DMD: variants seen among roughly 807,000 people sequenced by gnomAD.
DMD encodes mutant dystrophin.
DMD carries 63 observed loss-of-function variants against 330.1 expected under a neutral mutation model. That is an observed-to-expected ratio of 0.19 (90% CI 0.16 to 0.24). DMD has a LOEUF of 0.24. DMD is among the 10% of genes least tolerant of loss of function. The probability of loss-of-function intolerance (pLI) is 1.00; values close to 1 mark genes in which losing one functional copy is unlikely to be tolerated. For synonymous variants in DMD, 1,223 were observed against 959.8 expected, an observed-to-expected ratio of 1.27 and a Z score of -5.07; for missense variants, 3,344 against 2,684.1, an observed-to-expected ratio of 1.25 and a Z score of -5.43.
chrX:32,301,620 G>T (rs780712988), intron 42 of DMD, among the ~76,000 whole-genome samples: 10 of 110,444 alleles, frequency 9.1e-5, no homozygotes, highest in Non-Finnish European at 1.9e-4. Context: ...TTAACCAGGA[G>T]AAAATAAATA....
At chrX:32,120,986 T>C (rs1314252264) in intron 44 of DMD, among the ~76,000 whole-genome samples, 2 of 112,113 alleles carry the variant, frequency 1.8e-5, no homozygotes, top group Non-Finnish European at 3.8e-5. Flanking sequence ...GCATTATTAG[T>C]ATTGGAGTTT....
chrX:32,733,650 C>A (rs1432063101), intron 7 of DMD, among the ~76,000 whole-genome samples: 1 of 111,552 alleles, frequency 9.0e-6, no homozygotes, highest in Non-Finnish European at 1.9e-5. Context: ...GAACAACCTC[C>A]TCCTGAATGA....
chrX:31,464,773 A>G (rs2066741650), intron 59 of DMD, among the ~76,000 whole-genome samples: 1 of 112,813 alleles, frequency 8.9e-6, no homozygotes, highest in African/African-American at 3.2e-5. Flanking sequence ...GCAGAACTTA[A>G]TAAGAGACTT....
chrX:32,016,490 C>T (rs899884367), intron 44 of DMD, among the ~76,000 whole-genome samples: 24 of 112,158 alleles, frequency 2.1e-4, no homozygotes, highest in African/African-American at 7.8e-4. Context: ...GCACATAGGA[C>T]AGAGGCGGTA....
chrX:31,703,336 G>A (rs1315577357), intron 52 of DMD, among the ~76,000 whole-genome samples: 3 of 112,325 alleles, frequency 2.7e-5, no homozygotes, highest in African/African-American at 9.7e-5. Context: ...GGAGCCCTAG[G>A]TATGTACAAT....
At chrX:31,875,127 T>C (rs2093948030) in intron 48 of DMD, 61 bp downstream of exon 48, 1 of 960,460 alleles carries the variant, frequency 1.0e-6, no homozygotes. Flanking sequence ...ATGAGAAAAT[T>C]CAGTGATATT....
chrX:32,495,748 G>A (rs1012296862), intron 19 of DMD, among the ~76,000 whole-genome samples: 2 of 110,152 alleles, frequency 1.8e-5, no homozygotes, highest in Non-Finnish European at 3.8e-5. Context: ...ATAGAATTAT[G>A]CTCCTTGACT....
At chrX:31,940,102 C>G (rs2094974786) in intron 45 of DMD, among the ~76,000 whole-genome samples, 1 of 110,727 alleles carries the variant, frequency 9.0e-6, no homozygotes, top group Non-Finnish European at 1.9e-5. Flanking sequence ...AGACAGTAAA[C>G]AAGATAAAGA....
At chrX:32,543,303 C>T (rs2048661070) in intron 17 of DMD, among the ~76,000 whole-genome samples, 2 of 110,575 alleles carry the variant, frequency 1.8e-5, no homozygotes, top group South Asian at 3.8e-4. Context: ...CCACTCTTTC[C>T]TGAAAACAAA....
chrX:32,296,770 C>G (rs1469035725), intron 42 of DMD, among the ~76,000 whole-genome samples: 1 of 111,792 alleles, frequency 8.9e-6, no homozygotes, highest in Non-Finnish European at 1.9e-5. Flanking sequence ...TGTATAAAAG[C>G]ATAAGTTAAA....
Position 32,688,481 on chromosome X carries a change from C to T in DMD, c.960+9389G>A, listed in dbSNP as rs1284267644. Among the ~76,000 whole-genome samples, 7 of 111,832 alleles carry T rather than the reference C, an allele frequency of 6.3e-5. No individual in the cohort carries two copies. The East Asian group carries it at 1.1e-3, about 18-fold the overall frequency. On this transcript the variant is annotated intron_variant, in intron 9 of 78. Coordinates refer to ENST00000357033, the MANE Select transcript of DMD (RefSeq NM_004006.3). ...TGCAAAATGGAAGAGTGTTGATCCA[C>T]GTTGTTGTAAATATTTCTTTACCCT...
rs1389670701 is a variant in DMD, at chrX:33,009,957, T to C, written c.93+10182A>G. ...GTGTGTATATACACGTGTGTATGTG[T>C]ATATACACATATGTGTGTATACACA... On this transcript the variant is annotated intron_variant, in intron 2 of 78. Coordinates refer to ENST00000357033, the MANE Select transcript of DMD (RefSeq NM_004006.3). 1.0e-4 allele frequency among the ~76,000 whole-genome samples: 8 copies of C among 77,356 alleles called. 2 individuals are homozygous for C. Among genetic ancestry groups the C allele is most frequent in the Admixed American group, 4.0e-4 (3 of 7,549 alleles). The allele number at this position is 77,356 out of a possible 115,157, so 67.2% of individuals were successfully genotyped here.
In DMD at chrX:32,216,999, A is replaced by C; in HGVS notation, c.6355T>G (p.Trp2119Gly). The C allele has an allele frequency of 1.7e-6, 2 of 1,206,797 alleles. No homozygotes were observed. The highest frequency in any genetic ancestry group is 2.2e-6 in the Non-Finnish European group (2 of 891,220). The change falls in exon 44 of 79, where the codon TGG (tryptophan) becomes GGG (glycine). Residue 2119 changes from tryptophan (W) to glycine (G), a missense_variant. Physicochemically the swap from Trp to Gly is radical, Grantham distance 184 (BLOSUM62 -2). Coordinates refer to ENST00000357033, the MANE Select transcript of DMD (RefSeq NM_004006.3). The part of the protein sequence containing the change: ...FHYDIKIFNQ[W>G]LTEAEQFLRK... ...AGAAACTGTTCAGCTTCTGTTAGCCACTGATTAAATATCTTTATATCATAA... is the reference window on the plus strand; with the variant it reads ...AGAAACTGTTCAGCTTCTGTTAGCCCCTGATTAAATATCTTTATATCATAA...
At chrX:32,892,646 C>CTCA (rs1194647323) in intron 2 of DMD, among the ~76,000 whole-genome samples, 4 of 112,083 alleles carry the variant, frequency 3.6e-5, no homozygotes, top group African/African-American at 1.3e-4. Flanking sequence ...ATCCACCCGC[C>CTCA]TCAGCCTCCC....
chrX:31,958,096 GTTTTTTTTTTTT>G (rs745655022), intron 45 of DMD, among the ~76,000 whole-genome samples: 9 of 74,593 alleles, frequency 1.2e-4, no homozygotes, highest in Admixed American at 9.4e-4. Flanking sequence ...CATTTGGCCT[GTTTTTTTTTTTT>G]TTTTTTTTTT....
chrX:33,123,492 A>G (rs2095437782), intron 1 of DMD, among the ~76,000 whole-genome samples: 2 of 110,582 alleles, frequency 1.8e-5, no homozygotes, highest in South Asian at 3.8e-4. Flanking sequence ...TCTCGGTTCA[A>G]TGCAACCTCC....
chrX:32,994,667 A>C (rs1026265082), intron 2 of DMD, among the ~76,000 whole-genome samples: 2 of 111,647 alleles, frequency 1.8e-5, no homozygotes, highest in African/African-American at 3.3e-5. Context: ...ATACTAATTT[A>C]CATTCCCACC....
chrX:32,354,320 ATTT>A (rs1209623677), intron 37 of DMD, among the ~76,000 whole-genome samples: 1 of 111,515 alleles, frequency 9.0e-6, no homozygotes, highest in Non-Finnish European at 1.9e-5. Flanking sequence ...AGCTTTGAAA[ATTT>A]ATTTATCATT....
chrX:32,600,241 C>T (rs978557152), intron 12 of DMD, among the ~76,000 whole-genome samples: 5 of 111,685 alleles, frequency 4.5e-5, no homozygotes, highest in Non-Finnish European at 9.4e-5. Context: ...TGCTATTTTA[C>T]CCTTTCTTAG....
Sources: allele counts gnomAD v4.1 joint callset (sites outside exome capture counted in the v4.1 genomes callset), GRCh38; gene constraint gnomAD v4.1.1; transcripts MANE v1.5; gene names NCBI Gene and HGNC (gene_info 2026-07-23, HGNC 2026-07-21).